Variants in COMMD10 observed in about 807,000 individuals in gnomAD.
The protein encoded by COMMD10 is COMM domain-containing protein 10.
In COMMD10, 33 loss-of-function variants were observed where a neutral mutation model predicts 28.9. That is an observed-to-expected ratio of 1.14 (90% CI 0.87 to 1.53). The LOEUF is 1.53. COMMD10 is among the 40% of genes most tolerant of loss of function. The pLI is 0.00. For missense variants in COMMD10, 310 were observed against 233.4 expected, an observed-to-expected ratio of 1.33 and a Z score of -2.14; for synonymous variants, 110 against 81.7, an observed-to-expected ratio of 1.35 and a Z score of -1.87.
At chr5:116,251,807 C>T (rs970873185) in intron 5 of COMMD10, among the ~76,000 whole-genome samples, 20 of 152,102 alleles carry the variant, frequency 1.3e-4, no homozygotes, top group African/African-American at 4.8e-4. Flanking sequence ...GGGTATATAC[C>T]CAGTAATGGG....
chr5:116,291,488 A>G (rs932943146), intron 5 of COMMD10, 29 bp from the exon 6 acceptor site: 2 of 1,514,704 alleles, frequency 1.3e-6, no homozygotes, highest in Non-Finnish European at 1.8e-6. Flanking sequence ...GTGCAACTAC[A>G]TTCTTTTTGT....
intron 5 of COMMD10, among the ~76,000 whole-genome samples, chr5:116,195,520 A>C (rs916966469): frequency 6.6e-6 from 1 of 152,186 alleles, no homozygotes; most frequent in African/African-American, 2.4e-5. Flanking sequence ...AACAGCGACC[A>C]AACAGAGAAT....
Position 116,292,511 on chromosome 5 carries a change from T to C in COMMD10, c.*22T>C, listed in dbSNP as rs780565266. 1.3e-6 allele frequency: 2 copies of C among 1,580,164 alleles called. No individual in the cohort carries two copies. Among genetic ancestry groups the C allele is most frequent in the East Asian group, 2.3e-5 (1 of 44,228 alleles). On this transcript the variant is annotated 3_prime_UTR_variant, in exon 7 of 7. Coordinates refer to ENST00000274458, the MANE Select transcript of COMMD10 (RefSeq NM_016144.4). Reference sequence around the variant, plus strand: ...ATGATGTTTTCGAAGACTGTTTTTTTCATCACGCTCCTGCCACCTCATTAT... The same window carrying C: ...ATGATGTTTTCGAAGACTGTTTTTTCCATCACGCTCCTGCCACCTCATTAT...
At chr5:116,181,910 C>A (rs1747979650) in intron 5 of COMMD10, among the ~76,000 whole-genome samples, 1 of 151,978 alleles carries the variant, frequency 6.6e-6, no homozygotes, top group African/African-American at 2.4e-5. Context: ...ATATTTCGAG[C>A]TGGAGATAAA....
At chr5:116,097,363 G>C (rs7701512) in intron 4 of COMMD10, among the ~76,000 whole-genome samples, 136,609 of 152,204 alleles carry the variant, frequency 0.9, 61,457 homozygotes, top group African/African-American at 0.94. Context: ...TTCTTTGTAT[G>C]TTACAAAACC....
At chr5:116,266,611 A>G (rs1186061089) in intron 5 of COMMD10, among the ~76,000 whole-genome samples, 3 of 151,700 alleles carry the variant, frequency 2.0e-5, no homozygotes, top group Non-Finnish European at 4.4e-5. Context: ...AGTACAACAA[A>G]AGATAGTTGC....
At chr5:116,112,346 T>C (rs1450522854) in intron 4 of COMMD10, among the ~76,000 whole-genome samples, 7 of 152,192 alleles carry the variant, frequency 4.6e-5, no homozygotes, top group African/African-American at 1.4e-4. Context: ...TTACTTTTAG[T>C]CTATGTGTCT....
chr5:116,092,418 G>T, intron 3 of COMMD10, 127 bp from the exon 4 acceptor site: 1 of 532,592 alleles, frequency 1.9e-6, no homozygotes. Context: ...AACCAAAAAT[G>T]TTGGTAATAG....
intron 5 of COMMD10, among the ~76,000 whole-genome samples, chr5:116,187,231 T>C (rs1427833484): frequency 6.6e-6 from 1 of 152,172 alleles, no homozygotes; most frequent in African/African-American, 2.4e-5. Flanking sequence ...AATGAAGTGT[T>C]ATGAAACTTA....
intron 5 of COMMD10, among the ~76,000 whole-genome samples, chr5:116,171,073 G>T (rs1468551011): frequency 6.6e-6 from 1 of 152,146 alleles, no homozygotes; most frequent in Non-Finnish European, 1.5e-5. Context: ...GAAAAATTTT[G>T]CAATCTGTCC....
chr5:116,108,902 C>T (rs917522366), intron 4 of COMMD10, among the ~76,000 whole-genome samples: 15 of 152,098 alleles, frequency 9.9e-5, no homozygotes, highest in Non-Finnish European at 1.9e-4. Context: ...CGGAGTGCAC[C>T]GTTCCTCTCG....
chr5:116,217,434 T>C (rs1192460047), intron 5 of COMMD10, among the ~76,000 whole-genome samples: 4 of 152,254 alleles, frequency 2.6e-5, no homozygotes, highest in Admixed American at 6.5e-5. Context: ...ATGTCACATT[T>C]AGCATGTTGT....
rs1024403466 is a variant in COMMD10 at position 116,273,770 on chromosome 5, A to G, written c.511-17747A>G. On this transcript the variant is annotated intron_variant, in intron 5 of 6. Coordinates refer to ENST00000274458, the MANE Select transcript of COMMD10 (RefSeq NM_016144.4). ...TTTGTAGATGAACTGGAGTTTTGAAACTGACACTCAAATTTTTTATTGACT... is the reference window on the plus strand; with the variant it reads ...TTTGTAGATGAACTGGAGTTTTGAAGCTGACACTCAAATTTTTTATTGACT... Among the ~76,000 whole-genome samples the G allele has an allele frequency of 1.3e-4, 19 of 151,750 alleles. 1 individual carries two copies. Among genetic ancestry groups the G allele is most frequent in the Admixed American group, 1.1e-3 (17 of 15,196 alleles).
rs945005096 is a variant in COMMD10, at chr5:116,177,533, C to A, written c.510+43355C>A. Among the ~76,000 whole-genome samples the A allele has an allele frequency of 3.4e-5, 5 of 146,784 alleles. No individual in the cohort carries two copies. In the East Asian group the frequency reaches 6.0e-4, roughly 17 times the overall value. The stretch of plus-strand genomic sequence containing the variant: ...CTTAAAATGTCTAAGTGACCCCCCC[C>A]ACCCCACTGCAGAATAATGTGACTT... On this transcript the variant is annotated intron_variant, in intron 5 of 6. Transcript: ENST00000274458.
At chr5:116,290,026 A>G (rs926897826) in intron 5 of COMMD10, among the ~76,000 whole-genome samples, 1 of 151,968 alleles carries the variant, frequency 6.6e-6, no homozygotes. Context: ...AGCAAAATAT[A>G]GAAAACAAGA....
chr5:116,116,687 G>C (rs1751242539), intron 4 of COMMD10, among the ~76,000 whole-genome samples: 1 of 150,464 alleles, frequency 6.6e-6, no homozygotes, highest in South Asian at 2.1e-4. Context: ...ATGTTTATCT[G>C]CAGTAAAATG....
intron 5 of COMMD10, among the ~76,000 whole-genome samples, chr5:116,159,440 C>A (rs1241703816): frequency 2.0e-5 from 3 of 152,188 alleles, no homozygotes; most frequent in African/African-American, 2.4e-5. Flanking sequence ...TGGAGAGAGG[C>A]CTTTCCTGAA....
rs189451446 is a variant in COMMD10 at position 116,141,887 on chromosome 5, T to C, written c.510+7709T>C. Among the ~76,000 whole-genome samples the C allele has an allele frequency of 1.3e-3, 199 of 152,034 alleles. 1 individual carries two copies. The highest frequency in any genetic ancestry group is 4.5e-3 in the African/African-American group (188 of 41,534). ...TGGCGTTTTAAGGGTTCTTTTTCTT[T>C]AAATGTAGGATAATGTCATCTGCAA... On this transcript the variant is annotated intron_variant, in intron 5 of 6. Transcript: ENST00000274458.
intron 5 of COMMD10, among the ~76,000 whole-genome samples, chr5:116,227,491 A>G (rs971222377): frequency 6.6e-6 from 1 of 151,956 alleles, no homozygotes; most frequent in Non-Finnish European, 1.5e-5. Context: ...TGTTCAATTT[A>G]TACATCCTGC....
Sources: allele counts gnomAD v4.1 joint callset (sites outside exome capture counted in the v4.1 genomes callset), GRCh38; gene constraint gnomAD v4.1.1; transcripts MANE v1.5; gene names NCBI Gene and HGNC (gene_info 2026-07-23, HGNC 2026-07-21).